The following MMP26 variants were observed in gnomAD, a reference collection of about 807,000 sequenced individuals.
MMP26 encodes matrix metalloproteinase-26.
MMP26 carries 33 observed loss-of-function variants against 31.0 expected under a neutral mutation model. The ratio of observed to expected loss-of-function variants is 1.06; its 90% CI spans 0.81 to 1.42. The LOEUF (loss-of-function observed/expected upper bound fraction) is 1.42. Among genes scored for constraint, MMP26 ranks in the 40% most tolerant of loss-of-function variants. The probability of loss-of-function intolerance (pLI) is 0.00; values close to 1 mark genes in which losing one functional copy is unlikely to be tolerated. For missense variants in MMP26, 347 were observed against 316.1 expected, an observed-to-expected ratio of 1.10 and a Z score of -0.74; for synonymous variants, 122 against 114.9, an observed-to-expected ratio of 1.06 and a Z score of -0.40.
chr11:4,844,119 G>A (rs1379228699), intron 2 of MMP26, among the ~76,000 whole-genome samples: 1 of 152,020 alleles, frequency 6.6e-6, no homozygotes, highest in Non-Finnish European at 1.5e-5. Context: ...GAAATTTAAA[G>A]GATAATGGCT....
intron 2 of MMP26, among the ~76,000 whole-genome samples, chr11:4,917,609 C>T (rs574527505): frequency 1.4e-4 from 21 of 152,288 alleles, no homozygotes; most frequent in African/African-American, 4.1e-4. Context: ...GCTCTCACAC[C>T]GTGCTCCTCA....
intron 1 of MMP26, among the ~76,000 whole-genome samples, chr11:4,755,925 G>A (rs1420803208): frequency 6.6e-6 from 1 of 152,052 alleles, no homozygotes; most frequent in South Asian, 2.1e-4. Context: ...GGAAAATCCA[G>A]AGCATGAGCA....
chr11:4,976,896 A>G (rs74054415), intron 2 of MMP26, among the ~76,000 whole-genome samples: 7,083 of 151,996 alleles, frequency 0.047, 605 homozygotes, highest in African/African-American at 0.16. Context: ...TATTTTCCTA[A>G]GTCATTATGT....
chr11:4,974,885 A>G (rs112764056), intron 2 of MMP26, among the ~76,000 whole-genome samples: 1,918 of 152,158 alleles, frequency 0.013, 66 homozygotes, highest in African/African-American at 0.044. Flanking sequence ...GTTCTCACTT[A>G]TAAGTGGGAG....
rs564348301 is a variant in MMP26, at chr11:4,799,912, A to T, written c.-145+32571A>T. On this transcript the variant is annotated intron_variant, in intron 2 of 7. Transcript: ENST00000380390. ...TTACTCCATGTCCTTCATTTAGGGC[A>T]TATACTGGTGCAACAAGTGTGCTCC... is the stretch of plus-strand genomic sequence containing the variant. Among the ~76,000 whole-genome samples the T allele has an allele frequency of 3.3e-5, 5 of 152,358 alleles. No homozygotes were observed. In the East Asian group the frequency reaches 9.6e-4, roughly 29 times the overall value.
intron 2 of MMP26, among the ~76,000 whole-genome samples, chr11:4,830,736 G>A (rs578168248): frequency 1.3e-5 from 2 of 152,284 alleles, no homozygotes; most frequent in South Asian, 4.1e-4. Flanking sequence ...TGAAAGGAAA[G>A]TTACCCAAAG....
At chr11:4,825,905 A>G (rs2133476136) in intron 2 of MMP26, among the ~76,000 whole-genome samples, 1 of 152,334 alleles carries the variant, frequency 6.6e-6, no homozygotes, top group East Asian at 1.9e-4. Flanking sequence ...ATCAAAAGAC[A>G]GAAATCATAC....
rs570883457 is a variant in MMP26, at chr11:4,778,866, A to G, written c.-145+11525A>G. Among the ~76,000 whole-genome samples the G allele has an allele frequency of 2.0e-5, 3 of 152,030 alleles. No individual in the cohort carries two copies. In the South Asian group the frequency reaches 6.2e-4, roughly 32 times the overall value. ...CTATTTTAAATAATATCATCTTAGAAATTTATTTTTGTTATTGATTTATAG... is the reference window on the plus strand; with the variant it reads ...CTATTTTAAATAATATCATCTTAGAGATTTATTTTTGTTATTGATTTATAG... On this transcript the variant is annotated intron_variant, in intron 2 of 7. Coordinates refer to ENST00000380390, the MANE Select transcript of MMP26 (RefSeq NM_021801.5).
chr11:4,937,198 C>G (rs1197377447), intron 2 of MMP26, among the ~76,000 whole-genome samples: 1 of 152,148 alleles, frequency 6.6e-6, no homozygotes, highest in Non-Finnish European at 1.5e-5. Context: ...CATAAGGGCA[C>G]TTAGGGTACT....
chr11:4,964,191 T>C (rs1049128351), intron 2 of MMP26, among the ~76,000 whole-genome samples: 6 of 152,206 alleles, frequency 3.9e-5, no homozygotes, highest in African/African-American at 1.4e-4. Flanking sequence ...TGCCCAAGCC[T>C]ATGTTCTTAA....
chr11:4,824,786 A>C (rs763819698), intron 2 of MMP26, among the ~76,000 whole-genome samples: 1 of 152,134 alleles, frequency 6.6e-6, no homozygotes, highest in South Asian at 2.1e-4. Context: ...GCATTAGCAC[A>C]GTTTCTGGGT....
chr11:4,943,305 A>G (rs769314472), intron 2 of MMP26: 10 of 300,216 alleles, frequency 3.3e-5, no homozygotes, highest in Non-Finnish European at 6.7e-5. Context: ...TGTGTGATTA[A>G]TAAGTCTTTT....
At chr11:4,729,329 G>T (rs994081262) in intron 1 of MMP26, among the ~76,000 whole-genome samples, 2 of 152,114 alleles carry the variant, frequency 1.3e-5, no homozygotes, top group African/African-American at 4.8e-5. Context: ...TAACCTGATT[G>T]CAGCAAGCTA....
At chr11:4,930,336 G>A (rs369685999) in intron 2 of MMP26, among the ~76,000 whole-genome samples, 1 of 152,020 alleles carries the variant, frequency 6.6e-6, no homozygotes, top group African/African-American at 2.4e-5. Context: ...GCTGACGAAT[G>A]CTTCAAGGTA....
At chr11:4,715,387 C>G (rs1847916191) in intron 1 of MMP26, among the ~76,000 whole-genome samples, 2 of 148,998 alleles carry the variant, frequency 1.3e-5, no homozygotes, top group Admixed American at 6.7e-5. Context: ...GTAAGTTCTT[C>G]TGACTTGACT....
chr11:4,872,731 T>C (rs1341983889), intron 2 of MMP26, among the ~76,000 whole-genome samples: 5 of 151,984 alleles, frequency 3.3e-5, no homozygotes, highest in Non-Finnish European at 7.4e-5. Context: ...TGAAGTTCAA[T>C]ACTACATAGA....
At chr11:4,768,625 A>G (rs1382278506) in intron 2 of MMP26, among the ~76,000 whole-genome samples, 2 of 152,202 alleles carry the variant, frequency 1.3e-5, no homozygotes, top group Non-Finnish European at 2.9e-5. Context: ...ATCATCTGTA[A>G]TATATCGCTA....
intron 2 of MMP26, chr11:4,821,329 C>A (rs1849494102): frequency 7.3e-7 from 1 of 1,368,868 alleles, no homozygotes; most frequent in South Asian, 1.3e-5. Context: ...CTCAGTGAAT[C>A]TTGAAGTGCC....
chr11:4,710,367 G>A, intron 1 of MMP26: 1 of 456,858 alleles, frequency 2.2e-6, no homozygotes, highest in Non-Finnish European at 4.4e-6. Context: ...GCACAGATTT[G>A]GAAAGCATGC....
Sources: gnomAD v4.1 joint callset for allele counts (sites outside exome capture counted in the v4.1 genomes callset) on GRCh38, gnomAD v4.1.1 for gene constraint, MANE v1.5 for transcripts, NCBI Gene and HGNC (gene_info 2026-07-23, HGNC 2026-07-21) for gene names.